The following PAFAH1B1 variants were observed in gnomAD, a reference collection of about 807,000 sequenced individuals.
PAFAH1B1 encodes the protein platelet activating factor acetylhydrolase 1b regulatory subunit 1.
In PAFAH1B1, 2 loss-of-function variants were observed where a neutral mutation model predicts 57.5. That is an observed-to-expected ratio of 0.03 (90% CI 0.01 to 0.11). PAFAH1B1 has a LOEUF of 0.11. Among genes scored for constraint, PAFAH1B1 ranks in the 10% least tolerant of loss-of-function variants. The probability of loss-of-function intolerance (pLI) is 1.00; values close to 1 mark genes in which losing one functional copy is unlikely to be tolerated. For missense variants in PAFAH1B1, 257 were observed against 512.0 expected (o/e 0.50, Z 4.81); for synonymous variants, 152 against 169.6 (o/e 0.90, Z 0.81).
chr17:2,652,410 G>C (rs867373682), intron 2 of PAFAH1B1, among the ~76,000 whole-genome samples: 1 of 151,638 alleles, frequency 6.6e-6, no homozygotes, highest in Non-Finnish European at 1.5e-5. Flanking sequence ...GCGAGACTCC[G>C]TCTCAAACAA....
At chr17:2,597,796 G>GTGTC (rs760729535) in intron 1 of PAFAH1B1, among the ~76,000 whole-genome samples, 20 of 151,810 alleles carry the variant, frequency 1.3e-4, no homozygotes, top group African/African-American at 3.1e-4. Flanking sequence ...GTGTGTGTGT[G>GTGTC]TGTCTGTCTG....
At chr17:2,680,720 AACATCCTC>A in intron 10 of PAFAH1B1, 1 of 287,480 alleles carries the variant, frequency 3.5e-6, no homozygotes, top group Non-Finnish European at 6.8e-6. Flanking sequence ...GATTTGAGTA[AACATCCTC>A]ACTATCATCT....
At chr17:2,653,385 G>A (rs1279053948) in intron 2 of PAFAH1B1, among the ~76,000 whole-genome samples, 3 of 151,526 alleles carry the variant, frequency 2.0e-5, no homozygotes, top group Non-Finnish European at 2.9e-5. Context: ...AAACCTGCAC[G>A]TTGTGCACAT....
chr17:2,598,018 G>A (rs1390700220), intron 1 of PAFAH1B1, among the ~76,000 whole-genome samples: 1 of 151,878 alleles, frequency 6.6e-6, no homozygotes, highest in African/African-American at 2.4e-5. Flanking sequence ...AGGCCGAGGC[G>A]GGTGGATCAC....
chr17:2,635,845 A>C (rs978879579), intron 1 of PAFAH1B1, among the ~76,000 whole-genome samples: 10 of 151,692 alleles, frequency 6.6e-5, no homozygotes, highest in Admixed American at 2.0e-4. Context: ...TCATGCTTGT[A>C]ATCCTAGGAC....
At chr17:2,678,645 T>C (rs1222669468) in intron 9 of PAFAH1B1, among the ~76,000 whole-genome samples, 2 of 152,092 alleles carry the variant, frequency 1.3e-5, no homozygotes, top group African/African-American at 2.4e-5. Flanking sequence ...CCCAGGACTT[T>C]GGGAGGCCAA....
intron 1 of PAFAH1B1, among the ~76,000 whole-genome samples, chr17:2,620,922 A>G (rs1276736202): frequency 6.6e-6 from 1 of 152,204 alleles, no homozygotes; most frequent in Admixed American, 6.5e-5. Flanking sequence ...ACTAAATTGT[A>G]GGCAAAACAT....
chr17:2,611,564 C>A (rs2068267219), intron 1 of PAFAH1B1, among the ~76,000 whole-genome samples: 1 of 152,014 alleles, frequency 6.6e-6, no homozygotes, highest in South Asian at 2.1e-4. Flanking sequence ...CAGCAGAAGA[C>A]CCGTGAATCA....
At chr17:2,680,357 T>G in intron 10 of PAFAH1B1, 37 bp downstream of exon 10, 3 of 1,589,862 alleles carry the variant, frequency 1.9e-6, no homozygotes, top group Non-Finnish European at 2.6e-6. Flanking sequence ...ACATTAGATT[T>G]TGGAGTGCCA....
chr17:2,680,552 C>T (rs1399140558), intron 10 of PAFAH1B1, among the ~76,000 whole-genome samples: 2 of 152,212 alleles, frequency 1.3e-5, no homozygotes, highest in African/African-American at 4.8e-5. Flanking sequence ...CACTGCACAA[C>T]ATTGGTTTTG....
At chr17:2,604,404 GA>G (rs531750135) in intron 1 of PAFAH1B1, among the ~76,000 whole-genome samples, 2 of 152,192 alleles carry the variant, frequency 1.3e-5, no homozygotes, top group Non-Finnish European at 2.9e-5. Flanking sequence ...AAGCTGTCCT[GA>G]GTTGTTATGG....
intron 2 of PAFAH1B1, 109 bp from the exon 3 acceptor site, chr17:2,665,263 T>C: frequency 1.4e-6 from 1 of 717,144 alleles, no homozygotes. Context: ...TGAAAGGGAA[T>C]ACTCTTGAAA....
intron 2 of PAFAH1B1, among the ~76,000 whole-genome samples, chr17:2,664,665 G>GCGCTCGCTCTCTCTCT: frequency 1.2e-5 from 1 of 86,028 alleles, no homozygotes; most frequent in African/African-American, 3.9e-5. Flanking sequence ...TCTATCTATC[G>GCGCTCGCTCTCTCTCT]CTCTCTCTCT....
intron 2 of PAFAH1B1, among the ~76,000 whole-genome samples, chr17:2,642,880 A>AT (rs1017546410): frequency 2.0e-5 from 3 of 151,932 alleles, no homozygotes; most frequent in African/African-American, 7.3e-5. Context: ...CCTATCTTTA[A>AT]TTTTTTTAAT....
At chr17:2,622,598 C>T (rs1339982569) in intron 1 of PAFAH1B1, among the ~76,000 whole-genome samples, 2 of 152,196 alleles carry the variant, frequency 1.3e-5, no homozygotes, top group Non-Finnish European at 2.9e-5. Flanking sequence ...CAGGGTACGG[C>T]CTCCCTCCTG....
At chr17:2,644,341 A>G (rs1034701983) in intron 2 of PAFAH1B1, among the ~76,000 whole-genome samples, 4 of 152,112 alleles carry the variant, frequency 2.6e-5, no homozygotes, top group Non-Finnish European at 4.4e-5. Flanking sequence ...CAGGAGTCCA[A>G]GACCAGCCTG....
chr17:2,672,492 T>C (rs903992762), intron 6 of PAFAH1B1, among the ~76,000 whole-genome samples, 163 bp from the exon 7 acceptor site: 14 of 152,208 alleles, frequency 9.2e-5, no homozygotes, highest in African/African-American at 2.6e-4. Flanking sequence ...TTTTTAACTT[T>C]ATCGTGTAAA....
intron 1 of PAFAH1B1, among the ~76,000 whole-genome samples, chr17:2,619,455 A>G (rs937110399): frequency 1.3e-5 from 2 of 150,938 alleles, no homozygotes; most frequent in African/African-American, 2.4e-5. Context: ...CTGGTCTTGA[A>G]CTCTTTAGCT....
At chr17:2,638,341 C>CT (rs2068650275) in intron 2 of PAFAH1B1, 21 bp downstream of exon 2, 1 of 1,607,858 alleles carries the variant, frequency 6.2e-7, no homozygotes, top group Non-Finnish European at 8.5e-7. Context: ...TTGTTTTGTG[C>CT]TTTAAAAAAA....
Sources: allele counts gnomAD v4.1 joint callset (sites outside exome capture counted in the v4.1 genomes callset), GRCh38; gene constraint gnomAD v4.1.1; transcripts MANE v1.5; gene names NCBI Gene and HGNC (gene_info 2026-07-23, HGNC 2026-07-21).